The following TET3 variants were observed in gnomAD, a reference collection of about 807,000 sequenced individuals.
TET3 encodes tet methylcytosine dioxygenase 3, also known as methylcytosine dioxygenase TET3.
A neutral mutation model predicts 141.4 loss-of-function variants in TET3; 19 were observed. That is an observed-to-expected ratio of 0.13 (90% confidence interval 0.09 to 0.20). TET3 has a LOEUF of 0.20. TET3 is among the 10% of genes least tolerant of loss of function. The probability of loss-of-function intolerance (pLI) is 1.00; values close to 1 mark genes in which losing one functional copy is unlikely to be tolerated. For missense variants in TET3, 1,874 were observed against 2,356.9 expected (o/e 0.80, Z 4.24); for synonymous variants, 1,043 against 980.9 (o/e 1.06, Z -1.18).
chr2:74,115,251 C>A, the TET3 span, among the ~76,000 whole-genome samples: 1 of 152,120 alleles, frequency 6.6e-6, no homozygotes, highest in African/African-American at 2.4e-5. Context: ...ACTCAAACAT[C>A]TCAACAGCAA....
intron 6 of TET3, 104 bp downstream of exon 6, chr2:74,080,695 A>C: frequency 4.1e-5 from 7 of 171,828 alleles, no homozygotes; most frequent in Non-Finnish European, 6.8e-5. Context: ...TGAGCAGGCG[A>C]GGGCGGGGGG....
At chr2:74,094,169 A>C (rs1405403596) in intron 10 of TET3, among the ~76,000 whole-genome samples, 1 of 152,162 alleles carries the variant, frequency 6.6e-6, no homozygotes, top group Admixed American at 6.5e-5. Context: ...GCAACAGGAG[A>C]TGCTGTTTTA....
intron 3 of TET3, among the ~76,000 whole-genome samples, chr2:74,039,952 A>G (rs932048026): frequency 2.0e-5 from 3 of 152,176 alleles, no homozygotes; most frequent in Admixed American, 6.5e-5. Context: ...TCACGAGCCC[A>G]CCCAGATTGA....
At chr2:73,985,796 G>T (rs2105053451) in intron 1 of TET3, among the ~76,000 whole-genome samples, 184 bp from the exon 2 acceptor site, 1 of 152,058 alleles carries the variant, frequency 6.6e-6, no homozygotes, top group South Asian at 2.1e-4. Context: ...CCTCAGGCCC[G>T]AGGCCGCCTC....
At chr2:73,995,148 C>T (rs1313773392) in intron 2 of TET3, among the ~76,000 whole-genome samples, 1 of 152,058 alleles carries the variant, frequency 6.6e-6, no homozygotes, top group Admixed American at 6.6e-5. Context: ...TTAGTAGAGA[C>T]GGGGTTTTAC....
At chr2:74,068,680 C>T (rs1376529377) in intron 4 of TET3, among the ~76,000 whole-genome samples, 1 of 152,144 alleles carries the variant, frequency 6.6e-6, no homozygotes, top group East Asian at 1.9e-4. Flanking sequence ...GTGCATTTGT[C>T]ATTTTAATGT....
At chr2:74,068,793 T>C (rs1689043611) in intron 4 of TET3, among the ~76,000 whole-genome samples, 1 of 152,252 alleles carries the variant, frequency 6.6e-6, no homozygotes, top group Non-Finnish European at 1.5e-5. Flanking sequence ...GACATCTCAT[T>C]GTAGCTTTAT....
At chr2:74,051,856 T>C (rs1573794871) in intron 4 of TET3, among the ~76,000 whole-genome samples, 1 of 152,200 alleles carries the variant, frequency 6.6e-6, no homozygotes, top group African/African-American at 2.4e-5. Flanking sequence ...GTGATTGAAA[T>C]TGGTCAGTTG....
At chr2:74,037,166 TTC>T (rs1687110788) in intron 3 of TET3, among the ~76,000 whole-genome samples, 1 of 152,158 alleles carries the variant, frequency 6.6e-6, no homozygotes, top group Admixed American at 6.5e-5. Context: ...ACACACTCAC[TTC>T]TGCAAGAACA....
chr2:74,048,187 TCAA>T lies in TET3; in HGVS notation c.2271_2273del (p.Ile757_Lys758delinsMet). 1 of 1,612,402 alleles carries T rather than the reference TCAA, an allele frequency of 6.2e-7. No individual in the cohort carries two copies. The highest frequency in any genetic ancestry group is 8.5e-7 in the Non-Finnish European group (1 of 1,179,342). On this transcript the variant is annotated inframe_deletion, in exon 4 of 12. Transcript: ENST00000409262. ...TTTGCTACCCGTTCCCCCAAGCAAA[TCAA>T]GATTGAGTCTTCGGGGGCTGTGACT...
At position 73,986,529 on chromosome 2, in the gene TET3, C is replaced by A. The variant is rs1684034919; in HGVS notation, c.126C>A (p.Ser42=). The part of the protein sequence containing the change: ...GSGLSMAGSE[S]QLRGGGDGRK... ...GGCTCTCCATGGCTGGGAGTGAGTCCCAACTCCGAGGGGGTGGAGATGGTC... is the reference window on the plus strand; with the variant it reads ...GGCTCTCCATGGCTGGGAGTGAGTCACAACTCCGAGGGGGTGGAGATGGTC... Residue 42 remains serine, a synonymous_variant, in exon 2 of 12, where the codon TCC becomes TCA. Coordinates refer to ENST00000409262, the MANE Select transcript of TET3 (RefSeq NM_001287491.2). 8.1e-7 allele frequency: 1 copy of A among 1,232,050 alleles called. No individual in the cohort carries two copies. Among genetic ancestry groups the A allele is most frequent in the Admixed American group, 4.2e-5 (1 of 23,692 alleles). 76.3% of individuals were successfully genotyped at this position (1,232,050 alleles called of 1,614,324 possible).
chr2:74,037,827 T>C (rs1191010647), intron 3 of TET3, among the ~76,000 whole-genome samples: 1 of 152,238 alleles, frequency 6.6e-6, no homozygotes, highest in African/African-American at 2.4e-5. Flanking sequence ...TCTTCTCTCT[T>C]CCCTATTTTC....
At chr2:74,056,094 G>A (rs1688200925) in intron 4 of TET3, among the ~76,000 whole-genome samples, 1 of 152,214 alleles carries the variant, frequency 6.6e-6, no homozygotes, top group Admixed American at 6.5e-5. Flanking sequence ...TGGAGCCTTT[G>A]TGTGATCTTG....
In TET3 at chr2:74,046,925, C is replaced by T; in HGVS notation, c.1008C>T (p.Gly336=). The change falls in exon 4 of 12, where the codon GGC becomes GGT. Residue 336 remains glycine, a synonymous_variant. Coordinates refer to ENST00000409262, the MANE Select transcript of TET3 (RefSeq NM_001287491.2). The surrounding 1 kb of genome is among the most constrained non-coding windows in gnomAD (Gnocchi z 4.3). ...TGCCCCAGATCTCTCCCCAAGAGGG[C>T]CTGCCCCTGTCCCAGAGTGCCCTGA... is the stretch of plus-strand genomic sequence containing the variant. ...SEVPQISPQE[G]LPLSQSALSI... is the part of the protein sequence containing the mutation. The T allele has an allele frequency of 1.2e-6, 2 of 1,613,952 alleles. No homozygotes were observed. The highest frequency in any genetic ancestry group is 1.1e-5 in the South Asian group (1 of 91,090).
the TET3 span, among the ~76,000 whole-genome samples, chr2:74,120,349 A>G: frequency 1.6e-4 from 24 of 152,366 alleles, no homozygotes; most frequent in African/African-American, 5.5e-4. Flanking sequence ...CCAGCCCGGC[A>G]GGAGCTTCCG....
intron 2 of TET3, chr2:74,002,581 C>A: frequency 3.1e-6 from 1 of 321,744 alleles, no homozygotes. Flanking sequence ...TCGGCTGCGC[C>A]CCCGCCTCCC....
Position 73,986,642 on chromosome 2 carries a change from C to G in TET3, c.239C>G (p.Thr80Arg). 3 of 1,232,108 alleles carry G rather than the reference C, an allele frequency of 2.4e-6. No individual in the cohort carries two copies. Among genetic ancestry groups the G allele is most frequent in the Non-Finnish European group, 3.0e-6 (3 of 987,974 alleles). 76.3% of individuals were successfully genotyped at this position (1,232,108 alleles called of 1,614,324 possible). The change falls in exon 2 of 12, where the codon ACG becomes AGG. Residue 80 changes from threonine to arginine, a missense_variant. Physicochemically the swap from Thr to Arg is moderately conservative, Grantham distance 71. Coordinates refer to ENST00000409262, the MANE Select transcript of TET3 (RefSeq NM_001287491.2). ...GACTSCTNRR[T>R]HQICKLRKCE... ...TGCACTAGCTGTACCAACCGCCGCA[C>G]GCACCAGATCTGCAAACTGCGAAAA...
At chr2:74,029,693 T>G (rs984129739) in intron 3 of TET3, among the ~76,000 whole-genome samples, 5 of 152,244 alleles carry the variant, frequency 3.3e-5, no homozygotes, top group African/African-American at 1.2e-4. Flanking sequence ...AAAGAACCTC[T>G]TGTTCTGTCT....
chr2:74,010,288 C>G (rs941654297), intron 3 of TET3, among the ~76,000 whole-genome samples: 1 of 152,230 alleles, frequency 6.6e-6, no homozygotes, highest in South Asian at 2.1e-4. Context: ...CAGATGCTGC[C>G]GCCTCCATGT....
Sources: gnomAD v4.1 joint callset for allele counts (sites outside exome capture counted in the v4.1 genomes callset) on GRCh38, gnomAD v4.1.1 for gene constraint, Gnocchi (gnomAD v3.1) non-coding constraint, MANE v1.5 for transcripts, NCBI Gene and HGNC (gene_info 2026-07-23, HGNC 2026-07-21) for gene names.